The following SOHLH2 variants were observed in gnomAD, a reference collection of about 807,000 sequenced individuals.
SOHLH2 encodes the protein spermatogenesis- and oogenesis-specific basic helix-loop-helix-containing protein 2.
A neutral mutation model predicts 50.4 loss-of-function variants in SOHLH2; 22 were observed. The observed-to-expected ratio is 0.44, with a 90% confidence interval of 0.31 to 0.62. The LOEUF (loss-of-function observed/expected upper bound fraction) is 0.62, where lower values mean the gene tolerates loss of function less well. SOHLH2 is among the 20% of genes least tolerant of loss of function. The pLI is 0.08. For synonymous variants in SOHLH2, 185 were observed against 187.3 expected, an observed-to-expected ratio of 0.99 and a Z score of 0.10; for missense variants, 412 against 504.4, an observed-to-expected ratio of 0.82 and a Z score of 1.76.
At chr13:36,202,568 C>T (rs1868486954) in intron 1 of SOHLH2, among the ~76,000 whole-genome samples, 1 of 152,092 alleles carries the variant, frequency 6.6e-6, no homozygotes, top group African/African-American at 2.4e-5. Context: ...AAAGTCCTTT[C>T]AATGGAATAT....
chr13:36,171,492 A>C (rs1886960219), intron 9 of SOHLH2, among the ~76,000 whole-genome samples: 1 of 152,160 alleles, frequency 6.6e-6, no homozygotes, highest in African/African-American at 2.4e-5. Flanking sequence ...GGGTAGTGAA[A>C]GCGAAATTTG....
chr13:36,201,176 G>A (rs1283947395), intron 2 of SOHLH2, among the ~76,000 whole-genome samples: 1 of 152,018 alleles, frequency 6.6e-6, no homozygotes, highest in Non-Finnish European at 1.5e-5. Context: ...ATGGCTCCAG[G>A]AGACACCTCA....
rs144007190 is a variant in SOHLH2, at chr13:36,173,219, A to G, written c.1000+473T>C. Among the ~76,000 whole-genome samples the G allele has an allele frequency of 4.6e-5, 7 of 152,360 alleles. No homozygotes were observed. The East Asian group carries it at 1.2e-3, about 25-fold the overall frequency. ...TGGAGGTGACATTCTAATGGAAGAT[A>G]GGCAACAAACAAAACACACAAGTAA... On this transcript the variant is annotated intron_variant, in intron 9 of 10. Transcript: ENST00000379881.
intron 2 of SOHLH2, among the ~76,000 whole-genome samples, chr13:36,198,013 A>T (rs190234441): frequency 6.6e-6 from 1 of 152,368 alleles, no homozygotes; most frequent in East Asian, 1.9e-4. Flanking sequence ...TACATTGTCA[A>T]GTCAAGGATG....
At chr13:36,199,375 T>C (rs918135051) in intron 2 of SOHLH2, among the ~76,000 whole-genome samples, 2 of 152,074 alleles carry the variant, frequency 1.3e-5, no homozygotes, top group Admixed American at 6.6e-5. Flanking sequence ...GCAAAAAAGC[T>C]AGAAGGCATT....
chr13:36,176,516 A>G (rs554120661), intron 6 of SOHLH2, among the ~76,000 whole-genome samples: 1 of 152,108 alleles, frequency 6.6e-6, no homozygotes, highest in Admixed American at 6.5e-5. Context: ...ACTTTTTTGG[A>G]TTTTGGAATA....
At chr13:36,200,364 T>C (rs1383304929) in intron 2 of SOHLH2, among the ~76,000 whole-genome samples, 1 of 152,150 alleles carries the variant, frequency 6.6e-6, no homozygotes, top group Non-Finnish European at 1.5e-5. Flanking sequence ...ATATACCTTG[T>C]AGAAAGCCAA....
intron 1 of SOHLH2, among the ~76,000 whole-genome samples, chr13:36,206,049 A>G (rs1025083859): frequency 6.6e-6 from 1 of 151,952 alleles, no homozygotes; most frequent in African/African-American, 2.4e-5. Flanking sequence ...TTAACTATAA[A>G]TGTTTATTTT....
At chr13:36,192,037 AT>A in intron 4 of SOHLH2, 143 bp from the exon 5 acceptor site, 1 of 933,644 alleles carries the variant, frequency 1.1e-6, no homozygotes, top group Non-Finnish European at 1.6e-6. Context: ...ACTGAAAGCA[AT>A]TTATAGATTT....
Position 36,209,010 on chromosome 13 carries a change from G to A in SOHLH2, c.48+5469C>T, listed in dbSNP as rs540171483. Reference sequence around the variant, plus strand: ...AGTATATATCTTATTCATCCTACTTGGCACACAGTAGCTCTGAAAATTTTC... The same window carrying A: ...AGTATATATCTTATTCATCCTACTTAGCACACAGTAGCTCTGAAAATTTTC... On this transcript the variant is annotated intron_variant, in intron 1 of 10. Transcript: ENST00000379881. Among the ~76,000 whole-genome samples, 4 of 151,982 alleles carry A rather than the reference G, an allele frequency of 2.6e-5. No homozygotes were observed. In the South Asian group the frequency reaches 8.3e-4, roughly 32 times the overall value.
chr13:36,192,082 A>G lies in SOHLH2; in HGVS notation c.431-188T>C, dbSNP rs556657801. 7.9e-5 allele frequency among the ~76,000 whole-genome samples: 12 copies of G among 152,372 alleles called. No homozygotes were observed. The South Asian group carries it at 2.1e-3, about 26-fold the overall frequency. On this transcript the variant is annotated intron_variant, in intron 4 of 10. Coordinates refer to ENST00000379881, the MANE Select transcript of SOHLH2 (RefSeq NM_017826.3). ...TATAAAACCACCTAGGTTAGAAAGCAAAAACTAAAATACTCTATATTATTT... is the reference window on the plus strand; with the variant it reads ...TATAAAACCACCTAGGTTAGAAAGCGAAAACTAAAATACTCTATATTATTT...
chr13:36,203,208 G>A (rs1566045828), intron 1 of SOHLH2, among the ~76,000 whole-genome samples: 2 of 152,054 alleles, frequency 1.3e-5, no homozygotes, highest in South Asian at 2.1e-4. Flanking sequence ...ATATAAGTAC[G>A]ATACACACAT....
intron 2 of SOHLH2, 53 bp downstream of exon 2, chr13:36,201,826 G>T: frequency 1.3e-6 from 2 of 1,591,256 alleles, no homozygotes; most frequent in Non-Finnish European, 1.7e-6. Context: ...TTAAAAAATG[G>T]GTTTTTAAAA....
rs757643241 is a variant in SOHLH2 at position 36,170,661 on chromosome 13, T to A, written c.1127A>T (p.Asp376Val). ...GTTCTGATTTGTTACAGCAGTTGCA[T>A]CGTAGGAAGGGGTGACTTTAGAATA... is the stretch of plus-strand genomic sequence containing the variant. Reference protein sequence around the residue: ...RYYSKVTPSYDATAVTNQNIS... With the variant: ...RYYSKVTPSYVATAVTNQNIS... The change falls in exon 10 of 11, where the codon GAT becomes GTT. Residue 376 changes from aspartate to valine, a missense_variant. Asp to Val is a radical substitution (Grantham distance 152). Coordinates refer to ENST00000379881, the MANE Select transcript of SOHLH2 (RefSeq NM_017826.3). 1 of 1,613,998 alleles carries A rather than the reference T, an allele frequency of 6.2e-7. No homozygotes were observed. Among genetic ancestry groups the A allele is most frequent in the African/African-American group, 1.3e-5 (1 of 74,902 alleles).
intron 6 of SOHLH2, among the ~76,000 whole-genome samples, chr13:36,189,661 T>C (rs1887519547): frequency 3.3e-5 from 5 of 152,210 alleles, no homozygotes; most frequent in Admixed American, 2.6e-4. Context: ...CATAATTTTC[T>C]ACTTAATAGC....
At chr13:36,180,457 T>C (rs1331093857) in intron 6 of SOHLH2, among the ~76,000 whole-genome samples, 2 of 152,214 alleles carry the variant, frequency 1.3e-5, no homozygotes, top group Admixed American at 6.5e-5. Flanking sequence ...CTTTGATATA[T>C]TGCATTCTCT....
intron 2 of SOHLH2, among the ~76,000 whole-genome samples, chr13:36,199,278 G>C (rs1030151160): frequency 1.3e-5 from 2 of 151,606 alleles, no homozygotes; most frequent in African/African-American, 4.8e-5. Context: ...TAGCCTCTGA[G>C]GACAGCACCA....
intron 9 of SOHLH2, among the ~76,000 whole-genome samples, chr13:36,171,384 A>G (rs1795553462): frequency 6.6e-6 from 1 of 152,224 alleles, no homozygotes; most frequent in Non-Finnish European, 1.5e-5. Flanking sequence ...GCAAGCTGAT[A>G]AGGTTAAAAC....
intron 6 of SOHLH2, among the ~76,000 whole-genome samples, chr13:36,187,949 G>T (rs1445990035): frequency 6.6e-6 from 1 of 152,116 alleles, no homozygotes; most frequent in Non-Finnish European, 1.5e-5. Flanking sequence ...GGTAGAAGTG[G>T]CCTGGGCCCA....
Sources: gnomAD v4.1 joint callset for allele counts (sites outside exome capture counted in the v4.1 genomes callset) on GRCh38, gnomAD v4.1.1 for gene constraint, MANE v1.5 for transcripts, NCBI Gene and HGNC (gene_info 2026-07-23, HGNC 2026-07-21) for gene names.